The following OLFM3 variants were observed in gnomAD, a reference collection of about 807,000 sequenced individuals.
The protein encoded by OLFM3 is olfactomedin 3, also known as noelin-3.
In OLFM3, 20 loss-of-function variants were observed where a neutral mutation model predicts 48.6. The ratio of observed to expected loss-of-function variants is 0.41; its 90% CI spans 0.29 to 0.60. The LOEUF is 0.60. Ranked by LOEUF, OLFM3 falls within the 20% of genes least tolerant of loss-of-function variation. The pLI is 0.28. For missense variants in OLFM3, 437 were observed against 544.3 expected (o/e 0.80, Z 1.96); for synonymous variants, 222 against 198.1 (o/e 1.12, Z -1.01).
intron 1 of OLFM3, among the ~76,000 whole-genome samples, chr1:101,890,506 G>T (rs533045970): frequency 2.6e-5 from 4 of 151,806 alleles, no homozygotes; most frequent in Non-Finnish European, 5.9e-5. Context: ...AAGTGTCATT[G>T]GTTTTCTAAT....
At position 101,803,758 on chromosome 1, in the gene OLFM3, TA is replaced by T. The variant is rs1422794713; in HGVS notation, c.*479del. 1.3e-5 allele frequency: 2 copies of T among 152,592 alleles called. No individual in the cohort carries two copies. The highest frequency in any genetic ancestry group is 1.3e-4 in the Admixed American group (2 of 15,226). 9.5% of individuals were successfully genotyped at this position (152,592 alleles called of 1,614,324 possible). A position where few individuals can be genotyped will look rare whatever the true frequency, so the allele number is the denominator to read the frequency against. ...GTGTTAACAGCAAAATGATTAATAT[TA>T]TTTTTCAATATAAATGAAATCCTTA... On this transcript the variant is annotated 3_prime_UTR_variant, in exon 6 of 6. Coordinates refer to ENST00000370103, the MANE Select transcript of OLFM3 (RefSeq NM_058170.4).
chr1:101,845,059 T>C (rs888829873), intron 1 of OLFM3, among the ~76,000 whole-genome samples: 1 of 152,162 alleles, frequency 6.6e-6, no homozygotes, highest in Non-Finnish European at 1.5e-5. Flanking sequence ...CAAAAAAGGT[T>C]TTCTCCATTC....
At chr1:101,881,733 C>T (rs558974248) in intron 1 of OLFM3, among the ~76,000 whole-genome samples, 3 of 151,554 alleles carry the variant, frequency 2.0e-5, no homozygotes, top group East Asian at 3.9e-4. Flanking sequence ...GTCTTTGAGG[C>T]GAATTACAAA....
At chr1:101,813,047 C>T (rs2100872928) in intron 4 of OLFM3, 6 of 1,253,312 alleles carry the variant, frequency 4.8e-6, no homozygotes, top group East Asian at 5.7e-5. Flanking sequence ...CAAAGGTGAA[C>T]AGGGAGGCAA....
chr1:101,912,830 A>G (rs1308025678), intron 1 of OLFM3, among the ~76,000 whole-genome samples: 1 of 152,202 alleles, frequency 6.6e-6, no homozygotes, highest in East Asian at 1.9e-4. Context: ...TATAAATTTA[A>G]TGGTAAAAAG....
At chr1:101,860,716 A>G (rs1656619418) in intron 1 of OLFM3, among the ~76,000 whole-genome samples, 1 of 152,010 alleles carries the variant, frequency 6.6e-6, no homozygotes, top group African/African-American at 2.4e-5. Context: ...CATATTTACA[A>G]TAAATAGCAT....
At chr1:101,968,277 C>T (rs1235066693) in intron 1 of OLFM3, among the ~76,000 whole-genome samples, 1 of 152,164 alleles carries the variant, frequency 6.6e-6, no homozygotes, top group African/African-American at 2.4e-5. Flanking sequence ...ATCCTTTTTA[C>T]AATTGCTCTC....
intron 1 of OLFM3, among the ~76,000 whole-genome samples, chr1:101,981,548 A>G (rs1209738327): frequency 1.3e-5 from 2 of 152,208 alleles, no homozygotes; most frequent in Non-Finnish European, 2.9e-5. Context: ...CCGTCTGCAC[A>G]CTAGTGATTC....
At chr1:101,943,229 T>G (rs1453626096) in intron 1 of OLFM3, among the ~76,000 whole-genome samples, 1 of 152,206 alleles carries the variant, frequency 6.6e-6, no homozygotes, top group African/African-American at 2.4e-5. Context: ...ATCAATTGGC[T>G]GATGAACCTT....
At chr1:101,902,985 G>C (rs1364460952) in intron 1 of OLFM3, among the ~76,000 whole-genome samples, 1 of 152,052 alleles carries the variant, frequency 6.6e-6, no homozygotes, top group Non-Finnish European at 1.5e-5. Context: ...AAGGATAAAA[G>C]GGATTTTTCC....
At chr1:101,823,897 G>A (rs1468591834) in intron 4 of OLFM3, among the ~76,000 whole-genome samples, 1 of 151,986 alleles carries the variant, frequency 6.6e-6, no homozygotes, top group Non-Finnish European at 1.5e-5. Context: ...ATCCTGGTAT[G>A]ATGACAGTGG....
intron 1 of OLFM3, among the ~76,000 whole-genome samples, chr1:101,899,438 A>G (rs139207903): frequency 6.6e-6 from 1 of 152,296 alleles, no homozygotes; most frequent in Non-Finnish European, 1.5e-5. Flanking sequence ...CTAATATTTA[A>G]GGCATAATTT....
intron 4 of OLFM3, among the ~76,000 whole-genome samples, chr1:101,811,122 G>A (rs1350040944): frequency 6.6e-6 from 1 of 151,918 alleles, no homozygotes; most frequent in African/African-American, 2.4e-5. Flanking sequence ...GTCCAATTTT[G>A]TTCTGAATAC....
intron 1 of OLFM3, chr1:101,910,163 T>C (rs1658700314): frequency 3.0e-6 from 3 of 984,744 alleles, no homozygotes; most frequent in Non-Finnish European, 3.6e-6. Flanking sequence ...CGAGTATCTA[T>C]CATGTTAAAA....
chr1:101,860,910 T>C (rs1656627749), intron 1 of OLFM3, among the ~76,000 whole-genome samples: 1 of 152,062 alleles, frequency 6.6e-6, no homozygotes, highest in Non-Finnish European at 1.5e-5. Context: ...ACCCATATGC[T>C]CTGACTTTTT....
chr1:101,969,227 A>C (rs1660707805), intron 1 of OLFM3, among the ~76,000 whole-genome samples: 1 of 152,088 alleles, frequency 6.6e-6, no homozygotes, highest in South Asian at 2.1e-4. Flanking sequence ...AGCTCACTGC[A>C]GCCTTGACGC....
rs183701695 is a variant in OLFM3 at position 101,906,984 on chromosome 1, T to C, written c.70-69959A>G. ...AACCATTATTTGTCGTATTTACATT[T>C]TGTATTTTTCATAAGCACTTAATTT... On this transcript the variant is annotated intron_variant, in intron 1 of 5. Transcript: ENST00000370103. Among the ~76,000 whole-genome samples the C allele has an allele frequency of 7.8e-4, 119 of 152,328 alleles. 1 individual carries two copies. The highest frequency in any genetic ancestry group is 2.8e-3 in the African/African-American group (118 of 41,580).
intron 1 of OLFM3, among the ~76,000 whole-genome samples, chr1:101,890,043 T>C (rs185175274): frequency 2.6e-5 from 4 of 152,046 alleles, no homozygotes; most frequent in Non-Finnish European, 5.9e-5. Context: ...GTTGAAGTCT[T>C]AAATATGACA....
chr1:101,846,972 A>AT, intron 1 of OLFM3: 1 of 1,610,766 alleles, frequency 6.2e-7, no homozygotes. Flanking sequence ...TGGAGGACTC[A>AT]TTGCTGTGGA....
Sources: allele counts gnomAD v4.1 joint callset (sites outside exome capture counted in the v4.1 genomes callset), GRCh38; gene constraint gnomAD v4.1.1; transcripts MANE v1.5; gene names NCBI Gene and HGNC (gene_info 2026-07-23, HGNC 2026-07-21).